The following KLC3 variants were observed in gnomAD, a reference collection of about 807,000 sequenced individuals.
The protein encoded by KLC3 is kinesin light chain 3, also known as kinesin light chain 2.
KLC3 carries 72 observed loss-of-function variants against 62.9 expected under a neutral mutation model. That is an observed-to-expected ratio of 1.15 (90% CI 0.95 to 1.39). The LOEUF is 1.39. Among genes scored for constraint, KLC3 ranks in the 40% most tolerant of loss-of-function variants. The pLI is 0.00. For synonymous variants in KLC3, 377 were observed against 300.5 expected, an observed-to-expected ratio of 1.25 and a Z score of -2.63; for missense variants, 848 against 691.6, an observed-to-expected ratio of 1.23 and a Z score of -2.54.
chr19:45,345,624 G>A lies in KLC3; in HGVS notation c.83G>A (p.Arg28Gln), dbSNP rs750471618. ...CCTGAGGAGCTGGTGCGGCAGACGC[G>A]GCAAGTGGTCCAGGGGCTGGAGGCG... ...LSPEELVRQT[R>Q]QVVQGLEALR... is the part of the protein sequence containing the mutation. Residue 28 changes from arginine (R) to glutamine (Q), a missense_variant, in exon 2 of 13, where the codon CGG becomes CAG. Coordinates refer to ENST00000391946, the MANE Select transcript of KLC3 (RefSeq NM_177417.3). 21 of 1,583,568 alleles carry A rather than the reference G, an allele frequency of 1.3e-5. No individual in the cohort carries two copies. The Admixed American group carries it at 1.7e-4, about 12-fold the overall frequency.
Position 45,346,620 on chromosome 19 carries a change from T to G in KLC3, c.335T>G (p.Leu112Arg), listed in dbSNP as rs1326605030. 1 of 1,551,520 alleles carries G rather than the reference T, an allele frequency of 6.4e-7. No individual in the cohort carries two copies. Among genetic ancestry groups the G allele is most frequent in the Non-Finnish European group, 8.7e-7 (1 of 1,147,638 alleles). ...KQRLRSQARR[L>R]AQENVWLREE... is the part of the protein sequence containing the mutation. The stretch of plus-strand genomic sequence containing the variant: ...CGGCTGCGCTCGCAGGCCCGGCGGC[T>G]GGCCCAGGAGAACGTGTGGCTGCGG... Residue 112 changes from leucine to arginine, a missense_variant, in exon 3 of 13, where the codon CTG (leucine) becomes CGG (arginine). By Grantham distance (102) the Leu-to-Arg change is moderately radical. Transcript: ENST00000391946.
Position 45,347,486 on chromosome 19 carries a change from C to G in KLC3, c.529C>G (p.Leu177Val). The G allele has an allele frequency of 6.2e-7, 1 of 1,613,138 alleles. No homozygotes were observed. Among genetic ancestry groups the G allele is most frequent in the Non-Finnish European group, 8.5e-7 (1 of 1,179,540 alleles). ...SPPRRDSLAS[L>V]FPSEEEERKG... ...GCCTCGCCGAGACAGCCTGGCCTCCCTGTTCCCCAGCGAGGAGGAGGAGAG... is the reference window on the plus strand; with the variant it reads ...GCCTCGCCGAGACAGCCTGGCCTCCGTGTTCCCCAGCGAGGAGGAGGAGAG... The change falls in exon 4 of 13, where the codon CTG becomes GTG. Residue 177 changes from leucine to valine, a missense_variant. Physicochemically the swap from Leu to Val is conservative, Grantham distance 32 (BLOSUM62 1). Coordinates refer to ENST00000391946, the MANE Select transcript of KLC3 (RefSeq NM_177417.3).
chr19:45,345,584 CCA>C lies in KLC3; in HGVS notation c.44_45del (p.Pro15ArgfsTer6). The C allele has an allele frequency of 6.4e-7, 1 of 1,569,744 alleles. No homozygotes were observed. The highest frequency in any genetic ancestry group is 8.6e-7 in the Non-Finnish European group (1 of 1,158,428). On this transcript the variant is annotated frameshift_variant, in exon 2 of 13. Transcript: ENST00000391946. LOFTEE classifies it high-confidence loss of function. ...VAAPGSAGLG[P>X]ERLSPEELVR... is the part of the protein sequence containing the mutation. The stretch of plus-strand genomic sequence containing the variant: ...GGCTCCTGGAAGTGCAGGGCTGGGC[CCA>C]GAGCGCCTGAGCCCTGAGGAGCTGG...
At chr19:45,350,925 T>TCATTTCCTCC (rs1568528484) in intron 11 of KLC3, 29 bp from the exon 12 acceptor site, 1 of 1,610,100 alleles carries the variant, frequency 6.2e-7, no homozygotes, top group Non-Finnish European at 8.5e-7. Context: ...CTGGATTCAC[T>TCATTTCCTCC]CATTTCCTCC....
chr19:45,350,274 A>T (rs1048663909), intron 8 of KLC3, 67 bp from the exon 9 acceptor site: 10 of 1,145,722 alleles, frequency 8.7e-6, no homozygotes, highest in African/African-American at 6.6e-5. Flanking sequence ...AAAAAAAAAA[A>T]GGCGGGACTG....
intron 8 of KLC3, 196 bp downstream of exon 8, chr19:45,349,798 C>T: frequency 1.8e-6 from 1 of 567,116 alleles, no homozygotes; most frequent in Admixed American, 3.4e-5. Flanking sequence ...CCACGGCAGC[C>T]AGAGGACAGC....
At chr19:45,348,295 A>G (rs1971558709) in intron 5 of KLC3, 135 bp downstream of exon 5, 5 of 818,736 alleles carry the variant, frequency 6.1e-6, no homozygotes, top group South Asian at 1.7e-5. Flanking sequence ...CAAGAATGGG[A>G]AAGGAAGGGA....
chr19:45,347,358 A>G (rs1454717837), intron 3 of KLC3, 89 bp from the exon 4 acceptor site: 3 of 1,005,384 alleles, frequency 3.0e-6, no homozygotes, highest in African/African-American at 1.7e-5. Context: ...AAAAAAAAAC[A>G]AAAAAACAAA....
chr19:45,351,228 G>C, intron 12 of KLC3, 58 bp from the exon 13 acceptor site: 1 of 1,591,232 alleles, frequency 6.3e-7, no homozygotes, highest in African/African-American at 1.4e-5. Flanking sequence ...GAGCTGGAGG[G>C]TGGATGTAAC....
chr19:45,351,154 A>G, intron 12 of KLC3, 132 bp from the exon 13 acceptor site: 1 of 1,593,136 alleles, frequency 6.3e-7, no homozygotes, highest in Non-Finnish European at 8.6e-7. Context: ...GGACAGGAGC[A>G]AAGATGGGTT....
rs543648803 is a variant in KLC3 at position 45,343,570 on chromosome 19, A to G, written c.-8-1964A>G. 1.4e-4 allele frequency among the ~76,000 whole-genome samples: 22 copies of G among 152,188 alleles called. No individual in the cohort carries two copies. In the East Asian group the frequency reaches 4.3e-3, roughly 29 times the overall value. ...GGCCAGTCTCAAACTCCTGACCTCA[A>G]CTGATCCACCCACCTCGGCCTCCCA... On this transcript the variant is annotated intron_variant, in intron 1 of 12. Transcript: ENST00000391946.
chr19:45,350,383 G>C lies in KLC3; in HGVS notation c.1186G>C (p.Glu396Gln). The change falls in exon 9 of 13, where the codon GAG (glutamate) becomes CAG (glutamine). Residue 396 changes from glutamate to glutamine, a missense_variant. Coordinates refer to ENST00000391946, the MANE Select transcript of KLC3 (RefSeq NM_177417.3). ...LKQNKYQQAEELYKEILHKED... is the reference protein window; with the variant it reads ...LKQNKYQQAEQLYKEILHKED... Reference sequence around the variant, plus strand: ...ACAGAACAAGTATCAACAAGCGGAAGAGCTGTACAAAGAAATCCTCCACAA... The same window carrying C: ...ACAGAACAAGTATCAACAAGCGGAACAGCTGTACAAAGAAATCCTCCACAA... 1 of 1,613,758 alleles carries C rather than the reference G, an allele frequency of 6.2e-7. No homozygotes were observed. The highest frequency in any genetic ancestry group is 8.5e-7 in the Non-Finnish European group (1 of 1,179,972).
At chr19:45,348,996 A>G (rs1247716408) in intron 7 of KLC3, 75 bp downstream of exon 7, 12 of 1,308,146 alleles carry the variant, frequency 9.2e-6, no homozygotes, top group African/African-American at 1.5e-5. Context: ...GAGCACGTAC[A>G]TCGTGACCCT....
In KLC3 at chr19:45,345,591, G is replaced by A. The variant is rs541951781; in HGVS notation, c.50G>A (p.Arg17His). 1.1e-4 allele frequency: 174 copies of A among 1,571,854 alleles called. 2 individuals carry two copies. In the East Asian group the frequency reaches 2.5e-3, roughly 23 times the overall value. Residue 17 changes from arginine to histidine, a missense_variant, in exon 2 of 13, where the codon CGC becomes CAC. Coordinates refer to ENST00000391946, the MANE Select transcript of KLC3 (RefSeq NM_177417.3). Reference protein sequence around the residue: ...APGSAGLGPERLSPEELVRQT... With the variant: ...APGSAGLGPEHLSPEELVRQT... ...GGAAGTGCAGGGCTGGGCCCAGAGC[G>A]CCTGAGCCCTGAGGAGCTGGTGCGG...
intron 1 of KLC3, among the ~76,000 whole-genome samples, chr19:45,342,530 G>C (rs1040637462): frequency 6.6e-6 from 1 of 152,098 alleles, no homozygotes; most frequent in Non-Finnish European, 1.5e-5. Flanking sequence ...GAGGCCAAGG[G>C]GGGAGCGGGT....
chr19:45,342,552 G>C (rs1162506660), intron 1 of KLC3, among the ~76,000 whole-genome samples: 1 of 152,276 alleles, frequency 6.6e-6, no homozygotes. Flanking sequence ...GATCATTTGA[G>C]GTCAGGAGTT....
In KLC3 at chr19:45,346,561, G is replaced by A. The variant is rs558458507; in HGVS notation, c.276G>A (p.Ser92=). Residue 92 remains serine (S), a synonymous_variant, in exon 3 of 13, where the codon TCG becomes TCA. Transcript: ENST00000391946. ...LGEAQVLLAL[S]AHVGALEAEK... ...CCGGGCAGGTGCTGCTGGCCCTGTC[G>A]GCACATGTGGGTGCACTGGAGGCAG... is the stretch of plus-strand genomic sequence containing the variant. 9.6e-5 allele frequency: 147 copies of A among 1,538,720 alleles called. No individual in the cohort carries two copies. The highest frequency in any genetic ancestry group is 4.2e-4 in the East Asian group (17 of 40,644).
chr19:45,347,382 G>A lies in KLC3; in HGVS notation c.490-65G>A, dbSNP rs1455464801. 29 of 1,200,426 alleles carry A rather than the reference G, an allele frequency of 2.4e-5. No homozygotes were observed. In the Admixed American group the frequency reaches 5.9e-4, roughly 24 times the overall value. 74.4% of individuals were successfully genotyped at this position (1,200,426 alleles called of 1,614,324 possible). A position where few individuals can be genotyped will look rare whatever the true frequency, so the allele number is the denominator to read the frequency against. ...CAAAAAAACAAAAACCTGAGATAGA[G>A]CCAGGGCCCCGGTCTCTGAAACAAG... On this transcript the variant is annotated intron_variant, in intron 3 of 12. Transcript: ENST00000391946.
At position 45,345,611 on chromosome 19, in the gene KLC3, G is replaced by C. The variant is rs546355544; in HGVS notation, c.70G>C (p.Val24Leu). 1.3e-6 allele frequency: 2 copies of C among 1,579,910 alleles called. No individual in the cohort carries two copies. The highest frequency in any genetic ancestry group is 4.6e-5 in the East Asian group (2 of 43,322). ...GPERLSPEEL[V>L]RQTRQVVQGL... The stretch of plus-strand genomic sequence containing the variant: ...AGAGCGCCTGAGCCCTGAGGAGCTG[G>C]TGCGGCAGACGCGGCAAGTGGTCCA... Residue 24 changes from valine to leucine, a missense_variant, in exon 2 of 13, where the codon GTG (valine) becomes CTG (leucine). Val to Leu is a conservative substitution (Grantham distance 32, BLOSUM62 1). Transcript: ENST00000391946.
Sources: gnomAD v4.1 joint callset for allele counts (sites outside exome capture counted in the v4.1 genomes callset) on GRCh38, gnomAD v4.1.1 for gene constraint, MANE v1.5 for transcripts, NCBI Gene and HGNC (gene_info 2026-07-23, HGNC 2026-07-21) for gene names.